The following AKR1C2 variants were observed in gnomAD, a reference collection of about 807,000 sequenced individuals.
The protein encoded by AKR1C2 is aldo-keto reductase family 1 member C2.
AKR1C2 carries 27 observed loss-of-function variants against 39.8 expected under a neutral mutation model. The observed-to-expected ratio is 0.68, with a 90% confidence interval of 0.50 to 0.93. The LOEUF is 0.93. Among genes scored for constraint, AKR1C2 ranks in the 40% least tolerant of loss-of-function variants. The pLI, the probability that AKR1C2 is intolerant of heterozygous loss-of-function variation, is 0.00. For synonymous variants in AKR1C2, 114 were observed against 137.9 expected, an observed-to-expected ratio of 0.83 and a Z score of 1.22; for missense variants, 263 against 365.1, an observed-to-expected ratio of 0.72 and a Z score of 2.28.
intron 1 of AKR1C2, among the ~76,000 whole-genome samples, chr10:5,016,916 C>G (rs1483597672): frequency 6.6e-6 from 1 of 152,202 alleles, no homozygotes; most frequent in Non-Finnish European, 1.5e-5. Context: ...ATGGAAGTCA[C>G]CACACATTGG....
At chr10:5,013,372 G>C (rs1384105926) in intron 1 of AKR1C2, 6 of 152,238 alleles carry the variant, frequency 3.9e-5, no homozygotes, top group Non-Finnish European at 8.8e-5. Context: ...CCGTGTCATG[G>C]CTAGCCTTTG....
chr10:5,013,062 G>T (rs1554775040), intron 1 of AKR1C2, among the ~76,000 whole-genome samples: 1 of 152,146 alleles, frequency 6.6e-6, no homozygotes, highest in African/African-American at 2.4e-5. Flanking sequence ...TGGGACAAGG[G>T]AGAAGATTTT....
At chr10:5,013,701 T>C (rs1185346499) in intron 1 of AKR1C2, 3 of 152,278 alleles carry the variant, frequency 2.0e-5, no homozygotes, top group Non-Finnish European at 4.4e-5. Context: ...TTTAGTGTGG[T>C]AAAATATGTA....
intron 1 of AKR1C2, among the ~76,000 whole-genome samples, chr10:5,012,983 CTA>C (rs199717246): frequency 6.6e-6 from 1 of 152,176 alleles, no homozygotes; most frequent in African/African-American, 2.4e-5. Context: ...ACTTCTGTAT[CTA>C]ATTCTTCTCT....
At chr10:5,007,407 C>T (rs1378593677), upstream of AKR1C2, 7 of 151,812 alleles carry the variant, frequency 4.6e-5, no homozygotes, top group Non-Finnish European at 8.8e-5. Flanking sequence ...AGAAACGTAC[C>T]TGTGGAAAAG....
upstream of AKR1C2, among the ~76,000 whole-genome samples, chr10:5,008,270 C>A (rs1245014376): frequency 7.2e-6 from 1 of 139,122 alleles, no homozygotes; most frequent in South Asian, 2.3e-4. Flanking sequence ...GGCTCCAGAC[C>A]CTGAGCAGGT....
At chr10:5,014,776 A>G (rs1564338900) in intron 1 of AKR1C2, 5 of 152,344 alleles carry the variant, frequency 3.3e-5, no homozygotes, top group African/African-American at 1.2e-4. Flanking sequence ...CAATACCTCC[A>G]ATAGCTCCAA....
upstream of AKR1C2, among the ~76,000 whole-genome samples, chr10:5,005,361 T>G (rs1449988427): frequency 6.6e-6 from 1 of 152,152 alleles, no homozygotes; most frequent in Non-Finnish European, 1.5e-5. Context: ...AGATGTTTAT[T>G]TTTTCAAATG....
chr10:4,997,825 G>A (rs1837112132), intron 5 of AKR1C2, among the ~76,000 whole-genome samples: 1 of 152,176 alleles, frequency 6.6e-6, no homozygotes, highest in Admixed American at 6.5e-5. Flanking sequence ...GTAACATTTG[G>A]GGGCAGTCAA....
rs546565660 is a variant in AKR1C2 at position 4,989,169 on chromosome 10, A to G, written c.*827T>C. The G allele has an allele frequency of 6.6e-6, 1 of 152,330 alleles. No homozygotes were observed. The highest frequency in any genetic ancestry group is 1.5e-5 in the Non-Finnish European group (1 of 68,032). 9.4% of individuals were successfully genotyped at this position (152,330 alleles called of 1,614,324 possible). ...ATGAGCTATTCAGGGGAATGTGATG[A>G]GTCAATGATATCTTCGATGTCCTGC... On this transcript the variant is annotated 3_prime_UTR_variant, in exon 9 of 9. Coordinates refer to ENST00000380753, the MANE Select transcript of AKR1C2 (RefSeq NM_001393392.1).
chr10:4,988,509 A>G lies in AKR1C2; in HGVS notation c.*1487T>C, dbSNP rs1367463405. On this transcript the variant is annotated 3_prime_UTR_variant, in exon 9 of 9. Coordinates refer to ENST00000380753, the MANE Select transcript of AKR1C2 (RefSeq NM_001393392.1). The stretch of plus-strand genomic sequence containing the variant: ...CATCAACGGAATGAGAGTAGACCAG[A>G]AATAATCCAAAAAATTGGTCTAGGG... 2.0e-5 allele frequency: 3 copies of G among 152,234 alleles called. No individual in the cohort carries two copies. Among genetic ancestry groups the G allele is most frequent in the African/African-American group, 7.2e-5 (3 of 41,456 alleles). The allele number at this position is 152,234 out of a possible 1,614,324, so 9.4% of individuals were successfully genotyped here.
At chr10:5,013,492 C>CTCA (rs1324666089) in intron 1 of AKR1C2, 2 of 191,504 alleles carry the variant, frequency 1.0e-5, no homozygotes, top group Non-Finnish European at 2.3e-5. Flanking sequence ...GCCCTAAGGG[C>CTCA]TCATCTGGTT....
At chr10:5,002,829 G>C (rs1210432243) in intron 1 of AKR1C2, among the ~76,000 whole-genome samples, 1 of 152,138 alleles carries the variant, frequency 6.6e-6, no homozygotes, top group African/African-American at 2.4e-5. Flanking sequence ...GGCTTACCAA[G>C]GCCGGAGCTT....
chr10:5,007,353 C>A (rs1205872224), upstream of AKR1C2: 2 of 149,840 alleles, frequency 1.3e-5, no homozygotes, highest in Admixed American at 6.7e-5. Context: ...TTAACATGTA[C>A]ACCATATATA....
At chr10:5,001,224 A>G (rs1279351587) in intron 2 of AKR1C2, among the ~76,000 whole-genome samples, 1 of 152,222 alleles carries the variant, frequency 6.6e-6, no homozygotes, top group Non-Finnish European at 1.5e-5. Context: ...AACAGATAAC[A>G]TAATATGATT....
Position 4,988,093 on chromosome 10 carries a change from C to G in AKR1C2, c.*1903G>C, listed in dbSNP as rs1218335300. 1 of 152,026 alleles carries G rather than the reference C, an allele frequency of 6.6e-6. No individual in the cohort carries two copies. Among genetic ancestry groups the G allele is most frequent in the Non-Finnish European group, 1.5e-5 (1 of 68,022 alleles). 9.4% of individuals were successfully genotyped at this position (152,026 alleles called of 1,614,324 possible). ...CAGCAGCCGTACTATTTACAAATGA[C>G]TGACCTAATGATTATTTCACATCTT... On this transcript the variant is annotated 3_prime_UTR_variant, in exon 9 of 9. Coordinates refer to ENST00000380753, the MANE Select transcript of AKR1C2 (RefSeq NM_001393392.1).
chr10:5,016,400 A>C (rs1295420032), intron 1 of AKR1C2, among the ~76,000 whole-genome samples: 2 of 152,220 alleles, frequency 1.3e-5, no homozygotes, highest in Non-Finnish European at 2.9e-5. Flanking sequence ...GCCCAAACAA[A>C]GGGGCTACAG....
chr10:4,992,305 C>T (rs1472956893), intron 7 of AKR1C2, among the ~76,000 whole-genome samples: 4 of 152,112 alleles, frequency 2.6e-5, no homozygotes, highest in Non-Finnish European at 5.9e-5. Context: ...ATCTATCTCT[C>T]CAATGAACAG....
Position 4,996,465 on chromosome 10 carries a change from A to G in AKR1C2, c.571-600T>C, listed in dbSNP as rs1209958443. ...CTCAAATGTCACCAGTGGGTTCCCT[A>G]TGAAACAAGTGCTTTTGTCTTTTAC... On this transcript the variant is annotated intron_variant, in intron 5 of 8. Coordinates refer to ENST00000380753, the MANE Select transcript of AKR1C2 (RefSeq NM_001393392.1). 6.1e-5 allele frequency among the ~76,000 whole-genome samples: 9 copies of G among 148,674 alleles called. No homozygotes were observed. In the Admixed American group the frequency reaches 6.1e-4, roughly 10 times the overall value.
Sources: allele counts gnomAD v4.1 joint callset (sites outside exome capture counted in the v4.1 genomes callset), GRCh38; gene constraint gnomAD v4.1.1; transcripts MANE v1.5; gene names NCBI Gene and HGNC (gene_info 2026-07-23, HGNC 2026-07-21).